SCP2: variants seen among roughly 807,000 people sequenced by gnomAD.
The protein encoded by SCP2 is sterol carrier protein 2.
In SCP2, 48 loss-of-function variants were observed where a neutral mutation model predicts 71.4. The ratio of observed to expected loss-of-function variants is 0.67; its 90% CI spans 0.53 to 0.86. The LOEUF (loss-of-function observed/expected upper bound fraction) is 0.86, where lower values mean the gene tolerates loss of function less well. SCP2 is among the 40% of genes least tolerant of loss of function. SCP2 has a pLI of 0.00. For synonymous variants in SCP2, 220 were observed against 218.1 expected (o/e 1.01, Z -0.08); for missense variants, 560 against 655.6 (o/e 0.85, Z 1.59).
chr1:52,959,618 G>T (rs1210303776), intron 5 of SCP2, among the ~76,000 whole-genome samples: 1 of 151,908 alleles, frequency 6.6e-6, no homozygotes, highest in Non-Finnish European at 1.5e-5. Context: ...TACTATTGAG[G>T]TTGTCTATTT....
At position 52,948,024 on chromosome 1, in the gene SCP2, C is replaced by T. The variant is rs768258174; in HGVS notation, c.143C>T (p.Ala48Val). 3 of 1,612,534 alleles carry T rather than the reference C, an allele frequency of 1.9e-6. No individual in the cohort carries two copies. Among genetic ancestry groups the T allele is most frequent in the Non-Finnish European group, 2.5e-6 (3 of 1,178,648 alleles). ...GTTTTTATAGGCAAGAAGGCTTTAG[C>T]TGATGCACAGATCCCTTATTCAGCA... Reference protein sequence around the residue: ...LAEEAGKKALADAQIPYSAVD... With the variant: ...LAEEAGKKALVDAQIPYSAVD... The change falls in exon 3 of 16, where the codon GCT (alanine) becomes GTT (valine). Residue 48 changes from alanine to valine, a missense_variant. This residue lies in a region of SCP2 where 513 missense variants were observed against 573.1 expected (regional missense o/e 0.90). Transcript: ENST00000371514.
At chr1:53,034,410 TAG>T (rs1209657496) in intron 13 of SCP2, among the ~76,000 whole-genome samples, 2 of 152,106 alleles carry the variant, frequency 1.3e-5, no homozygotes, top group Non-Finnish European at 2.9e-5. Flanking sequence ...AGCAAATCTA[TAG>T]AGACAGGAAG....
chr1:52,959,613 T>C lies in SCP2; in HGVS notation c.397-1890T>C, dbSNP rs143730488. On this transcript the variant is annotated intron_variant, in intron 5 of 15. Coordinates refer to ENST00000371514, the MANE Select transcript of SCP2 (RefSeq NM_002979.5). ...GAGTTTATATATAAATATATTACTA[T>C]TGAGGTTGTCTATTTTTTTTGTAAA... 4.7e-3 allele frequency among the ~76,000 whole-genome samples: 722 copies of C among 152,238 alleles called. 3 individuals carry two copies. In the Middle Eastern group the frequency reaches 0.065, roughly 14 times the overall value.
intron 13 of SCP2, among the ~76,000 whole-genome samples, chr1:53,034,300 C>T (rs959934873): frequency 2.6e-5 from 4 of 151,694 alleles, no homozygotes; most frequent in Non-Finnish European, 5.9e-5. Flanking sequence ...AAAGACTGAT[C>T]GATGTATGCA....
intron 13 of SCP2, among the ~76,000 whole-genome samples, chr1:53,037,964 C>CAGATCCAGATCCTGTCTCTAT (rs1663128547): frequency 1.1e-5 from 1 of 92,578 alleles, no homozygotes; most frequent in South Asian, 3.0e-4. Flanking sequence ...CACACACACA[C>CAGATCCAGATCCTGTCTCTAT]ACACACACAC....
intron 2 of SCP2, among the ~76,000 whole-genome samples, chr1:52,947,584 T>G (rs1654923374): frequency 6.6e-6 from 1 of 152,164 alleles, no homozygotes; most frequent in Non-Finnish European, 1.5e-5. Context: ...ATAGACAGAG[T>G]CACCTCTTGA....
At chr1:52,975,052 C>G (rs761936327) in intron 7 of SCP2, among the ~76,000 whole-genome samples, 2 of 151,996 alleles carry the variant, frequency 1.3e-5, no homozygotes, top group Non-Finnish European at 2.9e-5. Context: ...GCTAATGACC[C>G]TTTTTCTTTT....
intron 10 of SCP2, 87 bp downstream of exon 10, chr1:52,980,630 C>A: frequency 7.6e-7 from 1 of 1,317,674 alleles, no homozygotes; most frequent in Non-Finnish European, 1.1e-6. Flanking sequence ...ATTCACTATT[C>A]ACTTTTCCCT....
At chr1:53,048,254 C>T (rs771314245) in intron 15 of SCP2, 4 of 366,852 alleles carry the variant, frequency 1.1e-5, no homozygotes, top group Non-Finnish European at 2.1e-5. Flanking sequence ...CCATATCTCT[C>T]TGGGCCATCA....
chr1:53,015,136 T>G, intron 12 of SCP2, 93 bp downstream of exon 12: 2 of 1,231,414 alleles, frequency 1.6e-6, no homozygotes, highest in Non-Finnish European at 2.4e-6. Flanking sequence ...TATTTTATTG[T>G]CTTAGTATTT....
At chr1:52,961,442 T>C (rs1656436078) in intron 5 of SCP2, 61 bp from the exon 6 acceptor site, 3 of 1,546,340 alleles carry the variant, frequency 1.9e-6, no homozygotes, top group Non-Finnish European at 2.7e-6. Context: ...AGCACTGTAG[T>C]AGTTTTGAAA....
Position 53,010,475 on chromosome 1 carries a change from G to A in SCP2, c.1082-4415G>A, listed in dbSNP as rs547605831. On this transcript the variant is annotated intron_variant, in intron 11 of 15. Transcript: ENST00000371514. ...AAAAAAGGATGAGTTCATGTCCTTT[G>A]TAGGGACATGGATGAAGCTGGAAAC... 1.1e-4 allele frequency among the ~76,000 whole-genome samples: 16 copies of A among 152,306 alleles called. No homozygotes were observed. In the South Asian group the frequency reaches 3.3e-3, roughly 32 times the overall value.
intron 11 of SCP2, chr1:52,996,050 C>A: frequency 8.3e-7 from 1 of 1,203,370 alleles, no homozygotes; most frequent in Non-Finnish European, 1.1e-6. Flanking sequence ...TCGCCTCAGG[C>A]TTCTCAGTTC....
intron 11 of SCP2, among the ~76,000 whole-genome samples, chr1:52,999,721 C>T (rs1164300122): frequency 6.7e-6 from 1 of 150,162 alleles, no homozygotes; most frequent in Non-Finnish European, 1.5e-5. Context: ...GATCGTATGA[C>T]AAAAAACACA....
At chr1:53,021,073 T>A (rs11806632) in intron 12 of SCP2, among the ~76,000 whole-genome samples, 47,893 of 151,762 alleles carry the variant, frequency 0.32, 12,635 homozygotes, top group African/African-American at 0.72. Flanking sequence ...TGGTGTTATC[T>A]TGGGTTACTG....
intron 13 of SCP2, among the ~76,000 whole-genome samples, chr1:53,035,737 G>T (rs17107683): frequency 6.6e-6 from 1 of 152,034 alleles, no homozygotes; most frequent in Non-Finnish European, 1.5e-5. Flanking sequence ...ACAACAACAA[G>T]ATGCTAACAT....
intron 11 of SCP2, among the ~76,000 whole-genome samples, chr1:52,988,943 C>T (rs1659234281): frequency 6.6e-6 from 1 of 152,150 alleles, no homozygotes; most frequent in Non-Finnish European, 1.5e-5. Context: ...CCACCTGCCT[C>T]AGCCTCCCAG....
intron 1 of SCP2, among the ~76,000 whole-genome samples, chr1:52,929,100 A>G (rs1411840113): frequency 2.0e-5 from 3 of 151,988 alleles, no homozygotes; most frequent in African/African-American, 7.3e-5. Context: ...TGATGTGCCT[A>G]TCTGGCCAGT....
intron 8 of SCP2, among the ~76,000 whole-genome samples, 168 bp downstream of exon 8, chr1:52,976,937 C>A (rs984467014): frequency 1.3e-5 from 2 of 152,128 alleles, no homozygotes; most frequent in Non-Finnish European, 1.5e-5. Flanking sequence ...ACTTCTTACT[C>A]CTGCCTGGAG....
Sources: allele counts gnomAD v4.1 joint callset (sites outside exome capture counted in the v4.1 genomes callset), GRCh38; gene constraint gnomAD v4.1.1; regional missense constraint gnomAD v4.1.1; transcripts MANE v1.5; gene names NCBI Gene and HGNC (gene_info 2026-07-23, HGNC 2026-07-21).